Variants in MAGI2 observed in about 807,000 individuals in gnomAD.
MAGI2 encodes the protein membrane-associated guanylate kinase, WW and PDZ domain-containing protein 2.
Under a neutral mutation model 133.3 loss-of-function variants are expected in MAGI2, and 35 were observed. The ratio of observed to expected loss-of-function variants is 0.26; its 90% CI spans 0.20 to 0.35. The LOEUF is 0.35. MAGI2 is among the 10% of genes least tolerant of loss of function. The pLI is 1.00. For synonymous variants in MAGI2, 729 were observed against 710.6 expected (o/e 1.03, Z -0.41); for missense variants, 1,636 against 1,863.4 (o/e 0.88, Z 2.25).
chr7:79,279,564 A>G (rs1031867717), intron 1 of MAGI2, among the ~76,000 whole-genome samples: 4 of 152,222 alleles, frequency 2.6e-5, no homozygotes, highest in Admixed American at 6.5e-5. Flanking sequence ...AGCACTTTGA[A>G]AGGCCCAAGT....
At chr7:79,337,111 C>T (rs555504919) in intron 1 of MAGI2, among the ~76,000 whole-genome samples, 1 of 152,118 alleles carries the variant, frequency 6.6e-6, no homozygotes, top group South Asian at 2.1e-4. Flanking sequence ...CTGAGATATA[C>T]ATAACATTTA....
chr7:78,317,316 A>G (rs1270806932), intron 9 of MAGI2, among the ~76,000 whole-genome samples: 2 of 152,186 alleles, frequency 1.3e-5, no homozygotes. Flanking sequence ...ATATCCCACC[A>G]ATCAAGAACA....
At chr7:79,235,214 A>T (rs1831791043) in intron 1 of MAGI2, among the ~76,000 whole-genome samples, 1 of 152,158 alleles carries the variant, frequency 6.6e-6, no homozygotes, top group South Asian at 2.1e-4. Context: ...AGACAGGGAC[A>T]TTTAAGTCTG....
Position 78,694,037 on chromosome 7 carries a change from G to C in MAGI2, c.419-66798C>G, listed in dbSNP as rs534449906. 2.6e-4 allele frequency among the ~76,000 whole-genome samples: 40 copies of C among 152,250 alleles called. No homozygotes were observed. The South Asian group carries it at 8.1e-3, about 31-fold the overall frequency. On this transcript the variant is annotated intron_variant, in intron 2 of 21. Coordinates refer to ENST00000354212, the MANE Select transcript of MAGI2 (RefSeq NM_012301.4). ...TTGGAAACAGACAGATTTAAGGGCAGATCCTTGTTCCACAATATAGAAGCT... is the reference window on the plus strand; with the variant it reads ...TTGGAAACAGACAGATTTAAGGGCACATCCTTGTTCCACAATATAGAAGCT...
At chr7:78,784,002 AAAG>A (rs961467104) in intron 2 of MAGI2, among the ~76,000 whole-genome samples, 4 of 152,140 alleles carry the variant, frequency 2.6e-5, no homozygotes, top group Non-Finnish European at 5.9e-5. Context: ...ATCAGGAAAA[AAAG>A]AAGTTGACAT....
chr7:79,212,017 C>T (rs1829540972), intron 1 of MAGI2, among the ~76,000 whole-genome samples: 1 of 152,036 alleles, frequency 6.6e-6, no homozygotes, highest in Admixed American at 6.5e-5. Context: ...TTCCTCTACC[C>T]TTGTCCCAAA....
In MAGI2 at chr7:78,668,468, C is replaced by T. The variant is rs528255807; in HGVS notation, c.419-41229G>A. On this transcript the variant is annotated intron_variant, in intron 2 of 21. Transcript: ENST00000354212. ...GTGTTTTAGACATGAAGTCCTTGCC[C>T]ATGCCTATGTCCTGAATGGTAATGC... 8.0e-3 allele frequency among the ~76,000 whole-genome samples: 1,200 copies of T among 150,896 alleles called. 20 individuals are homozygous for T. The highest frequency in any genetic ancestry group is 0.028 in the African/African-American group (1,127 of 40,946).
At chr7:78,904,659 C>A (rs1045324885) in intron 2 of MAGI2, among the ~76,000 whole-genome samples, 1 of 151,766 alleles carries the variant, frequency 6.6e-6, no homozygotes, top group Non-Finnish European at 1.5e-5. Flanking sequence ...TGTGTCAACA[C>A]GCCCAACTAA....
At chr7:78,189,774 C>A (rs1033031805) in intron 12 of MAGI2, among the ~76,000 whole-genome samples, 3 of 152,130 alleles carry the variant, frequency 2.0e-5, no homozygotes, top group Admixed American at 6.5e-5. Flanking sequence ...GTGGAACAGG[C>A]CCAAGAAATG....
chr7:79,315,535 C>T (rs1434826316), intron 1 of MAGI2, among the ~76,000 whole-genome samples: 2 of 151,770 alleles, frequency 1.3e-5, no homozygotes, highest in Non-Finnish European at 2.9e-5. Flanking sequence ...AGATATTCAA[C>T]GTTAGATAAT....
At chr7:78,829,860 A>G (rs1178692984) in intron 2 of MAGI2, among the ~76,000 whole-genome samples, 1 of 152,084 alleles carries the variant, frequency 6.6e-6, no homozygotes, top group Non-Finnish European at 1.5e-5. Context: ...CAAAGTGTTA[A>G]CTGGGCTATG....
chr7:78,188,887 C>G (rs745993377), intron 12 of MAGI2, among the ~76,000 whole-genome samples: 28 of 152,272 alleles, frequency 1.8e-4, no homozygotes, highest in Non-Finnish European at 3.1e-4. Context: ...AAGGCTTGAG[C>G]TGAAAGATTT....
intron 2 of MAGI2, among the ~76,000 whole-genome samples, chr7:78,831,467 T>A (rs1280909940): frequency 6.6e-6 from 1 of 151,988 alleles, no homozygotes; most frequent in Non-Finnish European, 1.5e-5. Context: ...AGTGGCACAA[T>A]CTCAGTTCAC....
chr7:78,333,740 A>G (rs1275512596), intron 9 of MAGI2, among the ~76,000 whole-genome samples: 1 of 152,196 alleles, frequency 6.6e-6, no homozygotes. Context: ...CGGAGGCATG[A>G]AGCGTGAGTG....
intron 6 of MAGI2, among the ~76,000 whole-genome samples, chr7:78,444,722 G>T (rs1787959041): frequency 6.6e-6 from 1 of 151,282 alleles, no homozygotes; most frequent in African/African-American, 2.4e-5. Context: ...ACTTTCTACT[G>T]TTCTGTTTTC....
intron 8 of MAGI2, chr7:78,345,662 C>T: frequency 2.4e-6 from 1 of 411,904 alleles, no homozygotes; most frequent in East Asian, 4.6e-5. Context: ...TTTACAGTGC[C>T]ACTATAAAAA....
chr7:78,468,348 G>A (rs1021428902), intron 6 of MAGI2, among the ~76,000 whole-genome samples: 2 of 152,068 alleles, frequency 1.3e-5, no homozygotes, highest in Non-Finnish European at 2.9e-5. Context: ...CAATATAAAT[G>A]CGTGACATAT....
chr7:78,524,466 A>C (rs1257892546), intron 3 of MAGI2, among the ~76,000 whole-genome samples: 1 of 152,204 alleles, frequency 6.6e-6, no homozygotes, highest in African/African-American at 2.4e-5. Flanking sequence ...TAGCTGTGCC[A>C]ATAATGCCAT....
At chr7:78,463,944 T>C (rs967128033) in intron 6 of MAGI2, among the ~76,000 whole-genome samples, 4 of 152,028 alleles carry the variant, frequency 2.6e-5, no homozygotes, top group African/African-American at 7.2e-5. Context: ...AGGTAGCAAG[T>C]AGGGAAGCAG....
Sources: gnomAD v4.1 joint callset for allele counts (sites outside exome capture counted in the v4.1 genomes callset) on GRCh38, gnomAD v4.1.1 for gene constraint, MANE v1.5 for transcripts, NCBI Gene and HGNC (gene_info 2026-07-23, HGNC 2026-07-21) for gene names.